ATXN1: variants seen among roughly 807,000 people sequenced by gnomAD.
ATXN1 encodes the protein ataxin 1.
In ATXN1, 8 loss-of-function variants were observed where a neutral mutation model predicts 56.4. The ratio of observed to expected loss-of-function variants is 0.14; its 90% CI spans 0.08 to 0.26. ATXN1 has a LOEUF of 0.26. Among genes scored for constraint, ATXN1 ranks in the 10% least tolerant of loss-of-function variants. The pLI is 1.00. For synonymous variants in ATXN1, 514 were observed against 494.6 expected, an observed-to-expected ratio of 1.04 and a Z score of -0.52; for missense variants, 987 against 1,106.5, an observed-to-expected ratio of 0.89 and a Z score of 1.53.
At chr6:16,722,936 A>C (rs904708311) in intron 2 of ATXN1, among the ~76,000 whole-genome samples, 1 of 152,216 alleles carries the variant, frequency 6.6e-6, no homozygotes, top group African/African-American at 2.4e-5. Flanking sequence ...TCTCTCTCAC[A>C]CACACGCAAA....
At chr6:16,429,238 T>A (rs1407935560) in intron 6 of ATXN1, among the ~76,000 whole-genome samples, 5 of 152,014 alleles carry the variant, frequency 3.3e-5, no homozygotes, top group Non-Finnish European at 4.4e-5. Flanking sequence ...TTCTTCCCCA[T>A]AGACAGAGAT....
chr6:16,538,188 A>G (rs552706294), intron 4 of ATXN1, among the ~76,000 whole-genome samples: 5 of 152,316 alleles, frequency 3.3e-5, no homozygotes, highest in South Asian at 2.1e-4. Context: ...GTGAGAGGCT[A>G]TAAGTGTTAA....
chr6:16,562,458 G>GGAAAGGAAAGGAA (rs1561756150), intron 4 of ATXN1, among the ~76,000 whole-genome samples: 881 of 51,852 alleles, frequency 0.017, 12 homozygotes, highest in Middle Eastern at 0.13. Context: ...AAGAAAAGGA[G>GGAAAGGAAAGGAA]AGGAGAGGAG....
intron 4 of ATXN1, among the ~76,000 whole-genome samples, chr6:16,530,674 A>G (rs564065081): frequency 6.6e-6 from 1 of 152,226 alleles, no homozygotes; most frequent in Admixed American, 6.5e-5. Flanking sequence ...ACCTGGTGAC[A>G]AAATAATCTG....
chr6:16,739,676 C>T (rs1760263040), intron 2 of ATXN1: 2 of 389,578 alleles, frequency 5.1e-6, no homozygotes, highest in Non-Finnish European at 1.1e-5. Flanking sequence ...AGCTCAAAAG[C>T]GGTCGGAAAC....
chr6:16,705,660 C>G (rs1561816137), intron 2 of ATXN1, among the ~76,000 whole-genome samples: 1 of 152,158 alleles, frequency 6.6e-6, no homozygotes, highest in Non-Finnish European at 1.5e-5. Flanking sequence ...TCTGTCACTT[C>G]CATTGCCACT....
chr6:16,488,075 T>C (rs1760585570), intron 5 of ATXN1, among the ~76,000 whole-genome samples: 1 of 152,208 alleles, frequency 6.6e-6, no homozygotes, highest in African/African-American at 2.4e-5. Flanking sequence ...TTCTGACTGC[T>C]AGGCCATCAG....
At chr6:16,592,907 T>C (rs2113772479) in intron 3 of ATXN1, among the ~76,000 whole-genome samples, 1 of 152,198 alleles carries the variant, frequency 6.6e-6, no homozygotes, top group African/African-American at 2.4e-5. Flanking sequence ...TTTATTCCAT[T>C]ATTTTTCCCG....
intron 6 of ATXN1, among the ~76,000 whole-genome samples, chr6:16,345,713 C>T (rs1024580057): frequency 6.6e-6 from 1 of 152,108 alleles, no homozygotes; most frequent in Admixed American, 6.6e-5. Context: ...AAGATGGCCC[C>T]GAGTTGTTTC....
intron 3 of ATXN1, among the ~76,000 whole-genome samples, chr6:16,609,948 T>A (rs1763074924): frequency 6.6e-6 from 1 of 151,902 alleles, no homozygotes; most frequent in Non-Finnish European, 1.5e-5. Context: ...AAAATTAGGA[T>A]TTTTTTTCAA....
Sources: allele counts gnomAD v4.1 joint callset (sites outside exome capture counted in the v4.1 genomes callset), GRCh38; gene constraint gnomAD v4.1.1; transcripts MANE v1.5; gene names NCBI Gene and HGNC (gene_info 2026-07-23, HGNC 2026-07-21).